NAV2: variants seen among roughly 807,000 people sequenced by gnomAD.
NAV2 encodes helicase, APC down-regulated 1.
In NAV2, 54 loss-of-function variants were observed where a neutral mutation model predicts 223.2. The observed-to-expected ratio is 0.24, with a 90% CI of 0.19 to 0.30. The LOEUF (loss-of-function observed/expected upper bound fraction) is 0.30, where lower values mean the gene tolerates loss of function less well. NAV2 is among the 10% of genes least tolerant of loss of function. The pLI is 1.00. For missense variants in NAV2, 2,806 were observed against 3,147.5 expected (o/e 0.89, Z 2.60); for synonymous variants, 1,279 against 1,239.3 (o/e 1.03, Z -0.67).
chr11:19,783,847 T>C (rs1195343662), intron 1 of NAV2, among the ~76,000 whole-genome samples: 3 of 152,218 alleles, frequency 2.0e-5, no homozygotes, highest in African/African-American at 7.2e-5. Flanking sequence ...TGTTAGCCAT[T>C]GTTATAATGA....
intron 1 of NAV2, among the ~76,000 whole-genome samples, chr11:19,548,395 C>T (rs776028812): frequency 3.4e-4 from 51 of 152,096 alleles, no homozygotes; most frequent in Non-Finnish European, 6.2e-4. Flanking sequence ...GGAGGGCGAG[C>T]CTGTGCTTAC....
chr11:19,542,032 G>A (rs558488071), intron 1 of NAV2, among the ~76,000 whole-genome samples: 56 of 145,278 alleles, frequency 3.9e-4, no homozygotes, highest in Non-Finnish European at 6.1e-4. Flanking sequence ...GTCACAGCAC[G>A]GAAAAGACAG....
chr11:19,531,120 G>A (rs910221037), intron 1 of NAV2, among the ~76,000 whole-genome samples: 1 of 152,166 alleles, frequency 6.6e-6, no homozygotes, highest in South Asian at 2.1e-4. Context: ...AGTAGGTATT[G>A]AAGAAATATA....
At chr11:19,370,493 A>G (rs1728336657) in intron 1 of NAV2, among the ~76,000 whole-genome samples, 1 of 152,240 alleles carries the variant, frequency 6.6e-6, no homozygotes, top group Non-Finnish European at 1.5e-5. Flanking sequence ...CTCAGATGGC[A>G]CAGTTTTTGG....
intron 1 of NAV2, among the ~76,000 whole-genome samples, chr11:19,409,011 G>A (rs1850027014): frequency 6.8e-6 from 1 of 147,350 alleles, no homozygotes; most frequent in African/African-American, 2.5e-5. Flanking sequence ...TGGGGGGTGG[G>A]GAGAGGGGGG....
intron 5 of NAV2, among the ~76,000 whole-genome samples, chr11:19,888,058 C>T (rs1373782339): frequency 2.6e-5 from 4 of 151,952 alleles, no homozygotes; most frequent in Non-Finnish European, 5.9e-5. Context: ...TTAATTGGCT[C>T]TGCACACGTT....
Position 19,972,850 on chromosome 11 carries a change from G to A in NAV2, c.2646-11275G>A, listed in dbSNP as rs1008352509. On this transcript the variant is annotated intron_variant, in intron 10 of 37. Transcript: ENST00000349880. ...CACCCAGGCTAGTGCCTGCCTCTCA[G>A]TAGGTACTACATAAATGTTTGTTGC... Among the ~76,000 whole-genome samples, 9 of 152,282 alleles carry A rather than the reference G, an allele frequency of 5.9e-5. No individual in the cohort carries two copies. The East Asian group carries it at 9.6e-4, about 16-fold the overall frequency.
At chr11:19,586,772 G>A (rs2045910872) in intron 1 of NAV2, among the ~76,000 whole-genome samples, 1 of 152,244 alleles carries the variant, frequency 6.6e-6, no homozygotes, top group Admixed American at 6.5e-5. Context: ...AGCCGTGTAA[G>A]GGTCAGTCTG....
chr11:20,096,213 A>T (rs1403109613), intron 30 of NAV2, among the ~76,000 whole-genome samples: 3 of 152,030 alleles, frequency 2.0e-5, no homozygotes, highest in African/African-American at 7.2e-5. Context: ...AGAGTCTTTG[A>T]TTTGTTTTAC....
At chr11:19,968,233 T>C (rs928860733) in intron 10 of NAV2, among the ~76,000 whole-genome samples, 1 of 152,174 alleles carries the variant, frequency 6.6e-6, no homozygotes, top group African/African-American at 2.4e-5. Context: ...GTTTCACTCT[T>C]GTTGCCCAGG....
intron 31 of NAV2, among the ~76,000 whole-genome samples, chr11:20,099,696 C>T (rs997378564): frequency 2.6e-5 from 4 of 152,114 alleles, no homozygotes; most frequent in Non-Finnish European, 5.9e-5. Context: ...TCAGTGGTAC[C>T]AGGGGAAGGG....
chr11:19,754,902 C>T (rs1048846106), intron 1 of NAV2, among the ~76,000 whole-genome samples: 16 of 152,310 alleles, frequency 1.1e-4, no homozygotes, highest in East Asian at 9.6e-4. Flanking sequence ...CTCCTTCCCT[C>T]GCTTACTTCC....
intron 1 of NAV2, among the ~76,000 whole-genome samples, chr11:19,553,358 C>T (rs934492383): frequency 2.6e-5 from 4 of 152,208 alleles, no homozygotes; most frequent in East Asian, 1.9e-4. Flanking sequence ...GGGAAATGTG[C>T]GGATTCTGTT....
At chr11:19,793,528 T>G (rs2057687741) in intron 1 of NAV2, among the ~76,000 whole-genome samples, 1 of 152,208 alleles carries the variant, frequency 6.6e-6, no homozygotes, top group Non-Finnish European at 1.5e-5. Flanking sequence ...CTTCACTTCC[T>G]TCTGTCTCTG....
At chr11:19,872,512 A>G (rs2062576518) in intron 4 of NAV2, among the ~76,000 whole-genome samples, 1 of 152,264 alleles carries the variant, frequency 6.6e-6, no homozygotes, top group Non-Finnish European at 1.5e-5. Flanking sequence ...AGTGTGGTGT[A>G]TTAAAAAGTA....
At chr11:19,372,586 G>A (rs1465747258) in intron 1 of NAV2, among the ~76,000 whole-genome samples, 5 of 152,138 alleles carry the variant, frequency 3.3e-5, no homozygotes, top group South Asian at 2.1e-4. Context: ...GGGGAGCAGT[G>A]GGGTCTCTAA....
At chr11:20,043,695 G>T (rs2057168468) in intron 12 of NAV2, among the ~76,000 whole-genome samples, 1 of 151,950 alleles carries the variant, frequency 6.6e-6, no homozygotes, top group Admixed American at 6.5e-5. Flanking sequence ...TCCCGCCTCA[G>T]CCTCCTAAAA....
intron 1 of NAV2, among the ~76,000 whole-genome samples, chr11:19,363,533 A>G (rs1370230927): frequency 6.6e-6 from 1 of 152,198 alleles, no homozygotes; most frequent in African/African-American, 2.4e-5. Context: ...AAGCTCTGCT[A>G]TTGTGATTCA....
intron 1 of NAV2, among the ~76,000 whole-genome samples, chr11:19,531,605 G>A (rs1279268500): frequency 6.6e-6 from 1 of 152,196 alleles, no homozygotes; most frequent in Non-Finnish European, 1.5e-5. Flanking sequence ...ACAACTGGAG[G>A]GATGGGATTG....
Sources: allele counts gnomAD v4.1 joint callset (sites outside exome capture counted in the v4.1 genomes callset), GRCh38; gene constraint gnomAD v4.1.1; transcripts MANE v1.5; gene names NCBI Gene and HGNC (gene_info 2026-07-23, HGNC 2026-07-21).